Variants in ST3GAL5 observed in about 807,000 individuals in gnomAD.
ST3GAL5 encodes the protein lactosylceramide alpha-2,3-sialyltransferase.
ST3GAL5 carries 25 observed loss-of-function variants against 46.1 expected under a neutral mutation model. The ratio of observed to expected loss-of-function variants is 0.54; its 90% CI spans 0.40 to 0.76. The LOEUF is 0.76. Among genes scored for constraint, ST3GAL5 ranks in the 30% least tolerant of loss-of-function variants. The probability of loss-of-function intolerance (pLI) is 0.00; values close to 1 mark genes in which losing one functional copy is unlikely to be tolerated. For synonymous variants in ST3GAL5, 182 were observed against 192.7 expected (o/e 0.94, Z 0.46); for missense variants, 431 against 521.2 (o/e 0.83, Z 1.69).
At chr2:85,866,040 T>C (rs1306300947) in intron 1 of ST3GAL5, 1 of 152,308 alleles carries the variant, frequency 6.6e-6, no homozygotes, top group African/African-American at 2.4e-5. Flanking sequence ...AGGCAGCAGA[T>C]GCTGTGGCAC....
intron 3 of ST3GAL5, chr2:85,856,118 G>A (rs953587832): frequency 6.6e-6 from 1 of 152,010 alleles, no homozygotes; most frequent in African/African-American, 2.4e-5. Flanking sequence ...CTGAAAACAG[G>A]TACACAAATA....
rs561471886 is a variant in ST3GAL5 at position 85,839,129 on chromosome 2, A to C, written c.*1015T>G. On this transcript the variant is annotated 3_prime_UTR_variant, in exon 7 of 7. Coordinates refer to ENST00000638572, the MANE Select transcript of ST3GAL5 (RefSeq NM_003896.4). ...GTAGATTCATAGACATAAGCACCCAAATTAACCAGACTACGAGAGTTCCTC... is the reference window on the plus strand; with the variant it reads ...GTAGATTCATAGACATAAGCACCCACATTAACCAGACTACGAGAGTTCCTC... 6.6e-6 allele frequency: 1 copy of C among 152,320 alleles called. No individual in the cohort carries two copies. The highest frequency in any genetic ancestry group is 1.9e-4 in the East Asian group (1 of 5,180). The allele number at this position is 152,320 out of a possible 1,614,324, so 9.4% of individuals were successfully genotyped here. A position where few individuals can be genotyped will look rare whatever the true frequency, so the allele number is the denominator to read the frequency against.
chr2:85,862,035 G>GT (rs55888830), intron 2 of ST3GAL5, among the ~76,000 whole-genome samples: 7 of 150,314 alleles, frequency 4.7e-5, no homozygotes, highest in East Asian at 3.9e-4. Context: ...TAAAGGGGCA[G>GT]TTTTTTTTTC....
At chr2:85,885,201 T>C (rs937809241) in intron 1 of ST3GAL5, among the ~76,000 whole-genome samples, 1 of 152,140 alleles carries the variant, frequency 6.6e-6, no homozygotes, top group African/African-American at 2.4e-5. Flanking sequence ...ACATAAAGTA[T>C]AGGAAGTGCA....
intron 1 of ST3GAL5, among the ~76,000 whole-genome samples, chr2:85,876,419 G>A (rs918545745): frequency 6.0e-5 from 9 of 149,938 alleles, no homozygotes; most frequent in Non-Finnish European, 1.3e-4. Flanking sequence ...AAGCCACACT[G>A]TTAAGTGTTC....
rs1047259683 is a variant in ST3GAL5, at chr2:85,839,970, A to G, written c.*174T>C. The G allele has an allele frequency of 9.2e-6, 8 of 872,784 alleles. No homozygotes were observed. The highest frequency in any genetic ancestry group is 1.4e-5 in the Non-Finnish European group (8 of 576,346). The allele number at this position is 872,784 out of a possible 1,614,324, so 54.1% of individuals were successfully genotyped here. ...GTGCAAAAACAAACACTGACCTCAA[A>G]TAAATAGGAAAAAAAAAGTGGGAAG... is the stretch of plus-strand genomic sequence containing the variant. On this transcript the variant is annotated 3_prime_UTR_variant, in exon 7 of 7. Transcript: ENST00000638572.
chr2:85,876,708 C>T (rs1271518487), intron 1 of ST3GAL5, among the ~76,000 whole-genome samples: 1 of 152,010 alleles, frequency 6.6e-6, no homozygotes, highest in Non-Finnish European at 1.5e-5. Flanking sequence ...AGTGATCTGC[C>T]CACCTCAGCC....
chr2:85,842,909 C>T (rs574693349), intron 6 of ST3GAL5, among the ~76,000 whole-genome samples: 27 of 152,100 alleles, frequency 1.8e-4, no homozygotes, highest in South Asian at 8.3e-4. Context: ...TACAGGCACG[C>T]GCCACCACGC....
chr2:85,874,383 G>A (rs1686289322), intron 1 of ST3GAL5, among the ~76,000 whole-genome samples: 1 of 152,296 alleles, frequency 6.6e-6, no homozygotes, highest in East Asian at 1.9e-4. Context: ...CAAGAGGGCA[G>A]TTACTCTCAG....
intron 1 of ST3GAL5, among the ~76,000 whole-genome samples, chr2:85,878,584 G>A (rs926788877): frequency 6.6e-6 from 1 of 152,196 alleles, no homozygotes; most frequent in Non-Finnish European, 1.5e-5. Flanking sequence ...AACCTCAGTT[G>A]AGAAGGGCTG....
At position 85,888,861 on chromosome 2, in the gene ST3GAL5, C is replaced by T; in HGVS notation, c.45G>A (p.Gln15=). Residue 15 remains glutamine (Q), a synonymous_variant, in exon 1 of 7, where the codon CAG becomes CAA. Coordinates refer to ENST00000638572, the MANE Select transcript of ST3GAL5 (RefSeq NM_003896.4). The part of the protein sequence containing the change: ...AAGCAERRPL[Q]PRTEAAAAPA... ...GTGCCGCCGCTGCCTCGGTCCGCGG[C>T]TGCAGGGGACGCCGCTCCGCGCAGC... 7.4e-7 allele frequency: 1 copy of T among 1,357,134 alleles called. No individual in the cohort carries two copies. Among genetic ancestry groups the T allele is most frequent in the East Asian group, 3.4e-5 (1 of 29,816 alleles). 84.1% of individuals were successfully genotyped at this position (1,357,134 alleles called of 1,614,324 possible). A position where few individuals can be genotyped will look rare whatever the true frequency, so the allele number is the denominator to read the frequency against.
intron 1 of ST3GAL5, among the ~76,000 whole-genome samples, chr2:85,873,669 G>C (rs1041815026): frequency 6.6e-6 from 1 of 152,148 alleles, no homozygotes; most frequent in Admixed American, 6.5e-5. Flanking sequence ...AGTTCAGCTT[G>C]GCCTTGCAGA....
rs144154879 is a variant in ST3GAL5, at chr2:85,848,161, C to T, written c.362G>A (p.Arg121His). ...CATTGATGTCTTGGCAAACTTGGGACGACATTCCTTCTGCAAGACTTGCTG... is the reference window on the plus strand; with the variant it reads ...CATTGATGTCTTGGCAAACTTGGGATGACATTCCTTCTGCAAGACTTGCTG... Reference protein sequence around the residue: ...YAQQVLQKECRPKFAKTSMAL... With the variant: ...YAQQVLQKECHPKFAKTSMAL... The change falls in exon 4 of 7, where the codon CGT becomes CAT. Residue 121 changes from arginine (R) to histidine (H), a missense_variant. Transcript: ENST00000638572. 121 of 1,614,070 alleles carry T rather than the reference C, an allele frequency of 7.5e-5. No homozygotes were observed. Among genetic ancestry groups the T allele is most frequent in the Admixed American group, 1.0e-4 (6 of 60,004 alleles).
chr2:85,848,009 G>A lies in ST3GAL5; in HGVS notation c.514C>T (p.Gln172Ter). Residue 172 changes from glutamine (Q) to a stop codon, truncating the protein, a stop_gained, in exon 4 of 7, where the codon CAG becomes TAG. Transcript: ENST00000638572. LOFTEE classifies it high-confidence loss of function. ...FGFRKFSSKV[Q>*]TLLELLPEHD... ...TCTGGCAAGAGTTCCAAGAGGGTCT[G>A]GACTTTACTGGAGAACTTCCGGAAC... 7 of 1,614,156 alleles carry A rather than the reference G, an allele frequency of 4.3e-6. No homozygotes were observed. The highest frequency in any genetic ancestry group is 5.9e-6 in the Non-Finnish European group (7 of 1,180,032).
intron 3 of ST3GAL5, chr2:85,848,718 T>C (rs1202778060): frequency 2.0e-5 from 5 of 249,602 alleles, no homozygotes; most frequent in South Asian, 1.1e-4. Context: ...AGTTGTTTAA[T>C]AGGTACAGCG....
At chr2:85,851,228 C>A (rs560657225) in intron 3 of ST3GAL5, 2 of 1,055,606 alleles carry the variant, frequency 1.9e-6, no homozygotes, top group Non-Finnish European at 2.3e-6. Context: ...ACTTAATTTT[C>A]TAGACTGTGG....
intron 2 of ST3GAL5, among the ~76,000 whole-genome samples, chr2:85,861,918 C>G (rs926006449): frequency 2.6e-5 from 4 of 151,748 alleles, no homozygotes; most frequent in African/African-American, 9.7e-5. Context: ...TGACACAAAC[C>G]GCAAGCTAAA....
chr2:85,844,726 CA>C, intron 5 of ST3GAL5, 172 bp from the exon 6 acceptor site: 1 of 811,582 alleles, frequency 1.2e-6, no homozygotes, highest in South Asian at 1.5e-5. Flanking sequence ...CACTCCAACT[CA>C]AAAAAGTAAC....
chr2:85,851,285 G>A (rs1683473446), intron 3 of ST3GAL5: 2 of 1,135,782 alleles, frequency 1.8e-6, no homozygotes, highest in Non-Finnish European at 2.2e-6. Context: ...GACCCCTCCT[G>A]CGCCTAAGTG....
Sources: allele counts gnomAD v4.1 joint callset (sites outside exome capture counted in the v4.1 genomes callset), GRCh38; gene constraint gnomAD v4.1.1; transcripts MANE v1.5; gene names NCBI Gene and HGNC (gene_info 2026-07-23, HGNC 2026-07-21).